Variants in KCNN3 observed in about 807,000 individuals in gnomAD.
The protein encoded by KCNN3 is small conductance calcium-activated potassium channel protein 3.
Under a neutral mutation model 62.9 loss-of-function variants are expected in KCNN3, and 16 were observed. That is an observed-to-expected ratio of 0.25 (90% confidence interval 0.17 to 0.39). The LOEUF (loss-of-function observed/expected upper bound fraction) is 0.39, where lower values mean the gene tolerates loss of function less well. Ranked by LOEUF, KCNN3 falls within the 10% of genes least tolerant of loss-of-function variation. The probability of loss-of-function intolerance (pLI) is 1.00; values close to 1 mark genes in which losing one functional copy is unlikely to be tolerated. For synonymous variants in KCNN3, 370 were observed against 389.2 expected, an observed-to-expected ratio of 0.95 and a Z score of 0.58; for missense variants, 599 against 949.4, an observed-to-expected ratio of 0.63 and a Z score of 4.85.
intron 7 of KCNN3, among the ~76,000 whole-genome samples, chr1:154,710,469 T>C (rs1201593976): frequency 6.6e-6 from 1 of 151,660 alleles, no homozygotes; most frequent in Admixed American, 6.6e-5. Context: ...ATTTTTCCCT[T>C]AACCCTTTCC....
At chr1:154,757,497 G>T (rs1395745992) in intron 3 of KCNN3, among the ~76,000 whole-genome samples, 1 of 152,200 alleles carries the variant, frequency 6.6e-6, no homozygotes, top group African/African-American at 2.4e-5. Context: ...TAACAATAGA[G>T]CATGGGGCTA....
intron 2 of KCNN3, among the ~76,000 whole-genome samples, chr1:154,799,472 T>G (rs1371361946): frequency 1.3e-5 from 2 of 152,216 alleles, no homozygotes; most frequent in Non-Finnish European, 2.9e-5. Flanking sequence ...CCCTGTGAAC[T>G]GTCCAAAGAG....
At position 154,707,726 on chromosome 1, in the gene KCNN3, C is replaced by T. The variant is rs1397924427; in HGVS notation, c.*250G>A. On this transcript the variant is annotated 3_prime_UTR_variant, in exon 8 of 8. Transcript: ENST00000271915. ...CTCCACCAACTCTGCAGCAAGGGCC[C>T]TGCCAGAGGCGTCGCTTCCTGTCAT... The T allele has an allele frequency of 6.2e-6, 3 of 480,918 alleles. No individual in the cohort carries two copies. Among genetic ancestry groups the T allele is most frequent in the Non-Finnish European group, 1.1e-5 (3 of 272,712 alleles). 29.8% of individuals were successfully genotyped at this position (480,918 alleles called of 1,614,324 possible).
At chr1:154,806,883 A>G (rs971473559) in intron 2 of KCNN3, among the ~76,000 whole-genome samples, 1 of 152,160 alleles carries the variant, frequency 6.6e-6, no homozygotes, top group African/African-American at 2.4e-5. Flanking sequence ...TGAGGAAGGA[A>G]GCAGCCATTC....
At chr1:154,798,186 C>G (rs150650312) in intron 2 of KCNN3, among the ~76,000 whole-genome samples, 81 of 152,304 alleles carry the variant, frequency 5.3e-4, no homozygotes, top group African/African-American at 1.9e-3. Flanking sequence ...GCCCAGCCAC[C>G]CTCTTGGACT....
chr1:154,836,206 C>T (rs943770125), intron 1 of KCNN3, among the ~76,000 whole-genome samples: 2 of 152,094 alleles, frequency 1.3e-5, no homozygotes, highest in South Asian at 2.1e-4. Context: ...GTTGAGCAGC[C>T]GGAAGAGCAG....
At chr1:154,856,958 G>A (rs370610834) in intron 1 of KCNN3, among the ~76,000 whole-genome samples, 15 of 152,160 alleles carry the variant, frequency 9.9e-5, no homozygotes, top group Non-Finnish European at 1.8e-4. Context: ...AGACGGAGGC[G>A]TGGGACACCA....
intron 2 of KCNN3, among the ~76,000 whole-genome samples, chr1:154,815,573 G>A (rs747076615): frequency 2.0e-5 from 3 of 152,182 alleles, no homozygotes; most frequent in Non-Finnish European, 4.4e-5. Context: ...GCAGGAATCA[G>A]GTCTGCTTTA....
chr1:154,747,158 T>C (rs1186145565), intron 3 of KCNN3, among the ~76,000 whole-genome samples: 1 of 152,174 alleles, frequency 6.6e-6, no homozygotes, highest in Non-Finnish European at 1.5e-5. Flanking sequence ...AGTGAGTCAG[T>C]CCGGTGGAGG....
chr1:154,709,878 T>C (rs1468982056), intron 7 of KCNN3, among the ~76,000 whole-genome samples: 1 of 152,180 alleles, frequency 6.6e-6, no homozygotes, highest in Non-Finnish European at 1.5e-5. Context: ...TCCAGGCCCC[T>C]GGGTTGTGGC....
chr1:154,799,731 G>A (rs1485858405), intron 2 of KCNN3, among the ~76,000 whole-genome samples: 1 of 152,216 alleles, frequency 6.6e-6, no homozygotes. Context: ...TGCCCCTACA[G>A]CGGACAGCCA....
chr1:154,776,552 C>A (rs1648800294), intron 2 of KCNN3, among the ~76,000 whole-genome samples: 1 of 152,110 alleles, frequency 6.6e-6, no homozygotes. Flanking sequence ...CCATTGCTGT[C>A]CCACGTGAGG....
chr1:154,763,572 C>A (rs1648121084), intron 3 of KCNN3, among the ~76,000 whole-genome samples: 1 of 152,144 alleles, frequency 6.6e-6, no homozygotes, highest in African/African-American at 2.4e-5. Context: ...TCTGAGTACA[C>A]CTTTGGTCAC....
At chr1:154,713,749 G>A in intron 6 of KCNN3, among the ~76,000 whole-genome samples, 1 of 151,920 alleles carries the variant, frequency 6.6e-6, no homozygotes, top group Admixed American at 6.6e-5. Flanking sequence ...TTCAGTCACT[G>A]GTTTCTTGCT....
At chr1:154,803,882 C>G (rs1324781072) in intron 2 of KCNN3, among the ~76,000 whole-genome samples, 1 of 152,226 alleles carries the variant, frequency 6.6e-6, no homozygotes, top group Non-Finnish European at 1.5e-5. Flanking sequence ...ATTCACCCCT[C>G]CCTCCTTTCC....
intron 2 of KCNN3, among the ~76,000 whole-genome samples, chr1:154,773,967 C>T (rs570079933): frequency 6.6e-5 from 10 of 152,292 alleles, no homozygotes; most frequent in Admixed American, 2.0e-4. Context: ...GTTCACGGCA[C>T]GGACTCTGGA....
At chr1:154,758,862 C>T (rs1455743565) in intron 3 of KCNN3, among the ~76,000 whole-genome samples, 1 of 152,124 alleles carries the variant, frequency 6.6e-6, no homozygotes, top group African/African-American at 2.4e-5. Flanking sequence ...GGCTGGAGTG[C>T]AATGGTGTGA....
intron 1 of KCNN3, among the ~76,000 whole-genome samples, chr1:154,851,510 CCA>C (rs1440382965): frequency 6.6e-6 from 1 of 152,200 alleles, no homozygotes; most frequent in African/African-American, 2.4e-5. Flanking sequence ...ACTGCTTCTC[CCA>C]CAGTCTTCTC....
chr1:154,824,245 C>T (rs1276682320), intron 1 of KCNN3, among the ~76,000 whole-genome samples: 2 of 152,228 alleles, frequency 1.3e-5, no homozygotes, highest in African/African-American at 2.4e-5. Flanking sequence ...ATGATCTACA[C>T]ATAAGCCAGT....
Sources: allele counts gnomAD v4.1 joint callset (sites outside exome capture counted in the v4.1 genomes callset), GRCh38; gene constraint gnomAD v4.1.1; transcripts MANE v1.5; gene names NCBI Gene and HGNC (gene_info 2026-07-23, HGNC 2026-07-21).